Variants in CRYBG3 observed in about 807,000 individuals in gnomAD.
CRYBG3 encodes the protein crystallin beta-gamma domain containing 3.
In CRYBG3, 127 loss-of-function variants were observed where a neutral mutation model predicts 244.2. That is an observed-to-expected ratio of 0.52 (90% CI 0.45 to 0.60). The LOEUF (loss-of-function observed/expected upper bound fraction) is 0.60. Ranked by LOEUF, CRYBG3 falls within the 20% of genes least tolerant of loss-of-function variation. The probability of loss-of-function intolerance (pLI) is 0.00; values close to 1 mark genes in which losing one functional copy is unlikely to be tolerated. For missense variants in CRYBG3, 3,325 were observed against 3,442.5 expected, an observed-to-expected ratio of 0.97 and a Z score of 0.85; for synonymous variants, 1,132 against 1,195.8, an observed-to-expected ratio of 0.95 and a Z score of 1.10.
Position 97,872,111 on chromosome 3 carries a change from G to T in CRYBG3, c.917G>T (p.Cys306Phe). 6.5e-7 allele frequency: 1 copy of T among 1,535,980 alleles called. No homozygotes were observed. The highest frequency in any genetic ancestry group is 8.7e-7 in the Non-Finnish European group (1 of 1,146,816). Residue 306 changes from cysteine (C) to phenylalanine (F), a missense_variant, in exon 4 of 22, where the codon TGT (cysteine) becomes TTT (phenylalanine). By Grantham distance (205) the Cys-to-Phe change is radical. Around this residue, in one of 4 missense-constraint regions of CRYBG3, gnomAD observed 1,526 missense variants for 1,443.2 expected, o/e 1.06. Transcript: ENST00000389622. The stretch of plus-strand genomic sequence containing the variant: ...GAAGGCCCATTAGAAGACTCTGATT[G>T]TAGCAAAACAAGTTTCAACAAGGAA... ...LLEGPLEDSD[C>F]SKTSFNKENS... is the part of the protein sequence containing the mutation.
Position 97,915,693 on chromosome 3 carries a change from G to A in CRYBG3, c.8198G>A (p.Gly2733Asp). The A allele has an allele frequency of 6.2e-7, 1 of 1,612,880 alleles. No individual in the cohort carries two copies. The highest frequency in any genetic ancestry group is 1.1e-5 in the South Asian group (1 of 90,958). The change falls in exon 17 of 22, where the codon GGT becomes GAT. Residue 2733 changes from glycine to aspartate, a missense_variant. Physicochemically the swap from Gly to Asp is moderately conservative, Grantham distance 94 (BLOSUM62 -1). This residue lies in a region of CRYBG3 where 714 missense variants were observed against 803.6 expected (regional missense o/e 0.89). Coordinates refer to ENST00000389622, the MANE Select transcript of CRYBG3 (RefSeq NM_153605.4). ...EGLYADLTSC[G>D]CPASKVKSLK... is the part of the protein sequence containing the mutation. ...CTCTATGCTGACCTTACTTCCTGCG[G>A]TTGCCCAGCATCTAAAGTCAAATCT...
At chr3:97,907,312 A>G (rs1391569872) in intron 15 of CRYBG3, among the ~76,000 whole-genome samples, 1 of 152,160 alleles carries the variant, frequency 6.6e-6, no homozygotes, top group African/African-American at 2.4e-5. Flanking sequence ...AATAGTTTCA[A>G]AAGGATTGGT....
chr3:97,915,617 C>T lies in CRYBG3; in HGVS notation c.8122C>T (p.Leu2708Phe). 6.2e-7 allele frequency: 1 copy of T among 1,609,504 alleles called. No homozygotes were observed. Among genetic ancestry groups the T allele is most frequent in the African/African-American group, 1.3e-5 (1 of 74,900 alleles). Residue 2708 changes from leucine (L) to phenylalanine (F), a missense_variant, in exon 17 of 22, where the codon CTC (leucine) becomes TTC (phenylalanine). Physicochemically the swap from Leu to Phe is conservative, Grantham distance 22. Transcript: ENST00000389622. ...TTACTGCTTGGCTTTTAGCTGGCTC[C>T]TCTATTACCAAGAAGACATGTTTGT... Reference protein sequence around the residue: ...SFKVLRGCWLLYYQEDMFVNH... With the variant: ...SFKVLRGCWLFYYQEDMFVNH...
At chr3:97,892,467 G>T (rs2039590599) in intron 10 of CRYBG3, among the ~76,000 whole-genome samples, 1 of 152,018 alleles carries the variant, frequency 6.6e-6, no homozygotes, top group Non-Finnish European at 1.5e-5. Flanking sequence ...TTGGGATATT[G>T]TCACCATAAA....
intron 17 of CRYBG3, among the ~76,000 whole-genome samples, chr3:97,930,001 T>G (rs1390647446): frequency 6.6e-6 from 1 of 152,076 alleles, no homozygotes; most frequent in Non-Finnish European, 1.5e-5. Context: ...AAAAATATCT[T>G]TGTAGGCATT....
At chr3:97,831,700 TG>T (rs1038316386) in intron 1 of CRYBG3, among the ~76,000 whole-genome samples, 1 of 151,892 alleles carries the variant, frequency 6.6e-6, no homozygotes, top group African/African-American at 2.4e-5. Flanking sequence ...ACTGTTAGAG[TG>T]GGGGGGATTA....
intron 17 of CRYBG3, among the ~76,000 whole-genome samples, chr3:97,929,123 T>A (rs922438172): frequency 8.6e-5 from 13 of 151,992 alleles, no homozygotes; most frequent in African/African-American, 2.9e-4. Context: ...AGAAACTGTA[T>A]CCTCTTTGCA....
At chr3:97,829,896 T>C (rs747473054) in intron 1 of CRYBG3, among the ~76,000 whole-genome samples, 1 of 152,232 alleles carries the variant, frequency 6.6e-6, no homozygotes, top group Admixed American at 6.5e-5. Flanking sequence ...GAGCCCATTT[T>C]TGAGGCTCTC....
At chr3:97,829,047 A>C (rs2038618230) in intron 1 of CRYBG3, among the ~76,000 whole-genome samples, 1 of 152,094 alleles carries the variant, frequency 6.6e-6, no homozygotes, top group Non-Finnish European at 1.5e-5. Context: ...ACACTTAAAA[A>C]TTATGTGAAT....
Position 97,874,905 on chromosome 3 carries a change from TA to T in CRYBG3, c.3712del (p.Thr1238ProfsTer2). ...IAIEGIMNLG[T>X]LKEDISEKNP... ...CCATAGAAGGTATAATGAATCTGGG[TA>T]CCCTGAAAGAAGACATCTCTGAGAA... On this transcript the variant is annotated frameshift_variant, in exon 4 of 22. Transcript: ENST00000389622. LOFTEE classifies it high-confidence loss of function. 1 of 1,535,238 alleles carries T rather than the reference TA, an allele frequency of 6.5e-7. No individual in the cohort carries two copies. Among genetic ancestry groups the T allele is most frequent in the Non-Finnish European group, 8.7e-7 (1 of 1,146,628 alleles).
intron 19 of CRYBG3, among the ~76,000 whole-genome samples, chr3:97,940,415 CAAAT>C (rs1190219751): frequency 1.3e-5 from 2 of 152,002 alleles, no homozygotes; most frequent in African/African-American, 2.4e-5. Context: ...GTTATTCTGA[CAAAT>C]AACATAATGG....
chr3:97,898,575 G>T (rs2039666344), intron 12 of CRYBG3, among the ~76,000 whole-genome samples: 1 of 152,134 alleles, frequency 6.6e-6, no homozygotes, highest in African/African-American at 2.4e-5. Flanking sequence ...TTAGGCACAA[G>T]TGAGACTAGT....
chr3:97,915,064 C>T (rs555135092), intron 16 of CRYBG3, among the ~76,000 whole-genome samples: 2 of 152,174 alleles, frequency 1.3e-5, no homozygotes, highest in East Asian at 3.9e-4. Flanking sequence ...GTTTTATATA[C>T]TCTTGTGTGA....
chr3:97,846,778 C>T (rs2108176819), intron 2 of CRYBG3, among the ~76,000 whole-genome samples: 1 of 152,228 alleles, frequency 6.6e-6, no homozygotes, highest in Non-Finnish European at 1.5e-5. Flanking sequence ...TCCCTTTTTG[C>T]AGTCACTTAG....
intron 17 of CRYBG3, among the ~76,000 whole-genome samples, chr3:97,917,086 G>A (rs1167220047): frequency 6.6e-6 from 1 of 152,076 alleles, no homozygotes; most frequent in East Asian, 1.9e-4. Context: ...TCCTGAAAGG[G>A]TTTTGTACAA....
In CRYBG3 at chr3:97,853,180, G is replaced by T. The variant is rs1047747174; in HGVS notation, c.216+9919G>T. ...ATTCCCCTCCCACCCTCCCCCCAAA[G>T]TCCCCAGAGTCCATTTTTATCATTC... On this transcript the variant is annotated intron_variant, in intron 2 of 21. Coordinates refer to ENST00000389622, the MANE Select transcript of CRYBG3 (RefSeq NM_153605.4). 2.0e-3 allele frequency among the ~76,000 whole-genome samples: 89 copies of T among 44,528 alleles called. 3 individuals carry two copies. The highest frequency in any genetic ancestry group is 8.1e-4 in the South Asian group (1 of 1,236). The allele number at this position is 44,528 out of a possible 152,430, so 29.2% of individuals were successfully genotyped here.
intron 5 of CRYBG3, 101 bp downstream of exon 5, chr3:97,879,849 G>A: frequency 1.1e-6 from 1 of 936,638 alleles, no homozygotes; most frequent in Non-Finnish European, 1.7e-6. Context: ...TTTTATTCAA[G>A]GATTTAACAT....
chr3:97,909,663 A>C (rs2039838741), intron 15 of CRYBG3, among the ~76,000 whole-genome samples: 1 of 151,018 alleles, frequency 6.6e-6, no homozygotes, highest in South Asian at 2.1e-4. Flanking sequence ...ATTTTTTTCA[A>C]AGTTTTCAAC....
rs375694100 is a variant in CRYBG3 at position 97,895,224 on chromosome 3, A to G, written c.7575-735A>G. On this transcript the variant is annotated intron_variant, in intron 11 of 21. Coordinates refer to ENST00000389622, the MANE Select transcript of CRYBG3 (RefSeq NM_153605.4). ...GGCCAACTTGTTTTATGAGCCATCTATGCCCACATTGCATTAGATACTGTG... is the reference window on the plus strand; with the variant it reads ...GGCCAACTTGTTTTATGAGCCATCTGTGCCCACATTGCATTAGATACTGTG... 7.2e-5 allele frequency among the ~76,000 whole-genome samples: 11 copies of G among 152,330 alleles called. No homozygotes were observed. In the East Asian group the frequency reaches 2.1e-3, roughly 29 times the overall value.
Sources: allele counts gnomAD v4.1 joint callset (sites outside exome capture counted in the v4.1 genomes callset), GRCh38; gene constraint gnomAD v4.1.1; regional missense constraint gnomAD v4.1.1; transcripts MANE v1.5; gene names NCBI Gene and HGNC (gene_info 2026-07-23, HGNC 2026-07-21).